ZNF536: variants seen among roughly 807,000 people sequenced by gnomAD.
ZNF536 encodes the protein zinc finger protein 536.
In ZNF536, 13 loss-of-function variants were observed where a neutral mutation model predicts 84.5. The observed-to-expected ratio is 0.15, with a 90% confidence interval of 0.10 to 0.24. The LOEUF (loss-of-function observed/expected upper bound fraction) is 0.24, where lower values mean the gene tolerates loss of function less well. Ranked by LOEUF, ZNF536 falls within the 10% of genes least tolerant of loss-of-function variation. The pLI is 1.00. For synonymous variants in ZNF536, 811 were observed against 742.5 expected (o/e 1.09, Z -1.50); for missense variants, 1,536 against 1,747.5 (o/e 0.88, Z 2.16).
chr19:30,548,237 C>A lies in ZNF536; in HGVS notation c.2618C>A (p.Ala873Asp), dbSNP rs751561203. Reference protein sequence around the residue: ...VLSSGDHSGQATGMSSEVPSD... With the variant: ...VLSSGDHSGQDTGMSSEVPSD... ...TCCTCTGGAGATCACTCGGGGCAGGCCACGGGCATGTCTTCGGAGGTCCCC... is the reference window on the plus strand; with the variant it reads ...TCCTCTGGAGATCACTCGGGGCAGGACACGGGCATGTCTTCGGAGGTCCCC... The change falls in exon 4 of 5, where the codon GCC (alanine) becomes GAC (aspartate). Residue 873 changes from alanine (A) to aspartate (D), a missense_variant. By Grantham distance (126) the Ala-to-Asp change is moderately radical. Around this residue, in one of 8 missense-constraint regions of ZNF536, gnomAD observed 624 missense variants for 603.1 expected, o/e 1.03. Transcript: ENST00000355537. 8 of 1,614,208 alleles carry A rather than the reference C, an allele frequency of 5.0e-6. No homozygotes were observed. The highest frequency in any genetic ancestry group is 6.8e-6 in the Non-Finnish European group (8 of 1,180,040).
rs571059731 is a variant in ZNF536, at chr19:30,376,063, C to T, written c.-3+3507C>T. Among the ~76,000 whole-genome samples the T allele has an allele frequency of 3.9e-5, 6 of 152,106 alleles. No individual in the cohort carries two copies. The East Asian group carries it at 5.8e-4, about 15-fold the overall frequency. ...GTGCCCACTCCATGTGAGTGTATGC[C>T]CATGTGTGTGCTTGATGTCTTGAGG... is the stretch of plus-strand genomic sequence containing the variant. On this transcript the variant is annotated intron_variant, in intron 1 of 4. Coordinates refer to ENST00000355537, the MANE Select transcript of ZNF536 (RefSeq NM_014717.3).
At chr19:30,687,393 G>A (rs1190109292) in intron 1 of ZNF536, among the ~76,000 whole-genome samples, 2 of 152,164 alleles carry the variant, frequency 1.3e-5, no homozygotes, top group African/African-American at 4.8e-5. Context: ...ACAGGACGGG[G>A]CATCAAAGGG....
chr19:30,420,775 TG>T (rs906303467), intron 1 of ZNF536, among the ~76,000 whole-genome samples: 11 of 152,158 alleles, frequency 7.2e-5, no homozygotes, highest in African/African-American at 2.4e-4. Context: ...ATTCCTCTCT[TG>T]AAAGGGAAAA....
At chr19:30,358,742 C>A (rs565936202) in intron 3 of ZNF536, among the ~76,000 whole-genome samples, 1 of 152,296 alleles carries the variant, frequency 6.6e-6, no homozygotes, top group South Asian at 2.1e-4. Context: ...TTTCTGGTAT[C>A]TGGACAGGTG....
At chr19:30,367,684 G>A (rs757816471), upstream of ZNF536, among the ~76,000 whole-genome samples, 5 of 152,208 alleles carry the variant, frequency 3.3e-5, no homozygotes, top group Admixed American at 6.5e-5. Context: ...GGGAAGTGCT[G>A]GTGATGCTGG....
Position 30,473,210 on chromosome 19 carries a change from T to A in ZNF536, c.2170+27478T>A, listed in dbSNP as rs1157342419. On this transcript the variant is annotated intron_variant, in intron 2 of 4. Coordinates refer to ENST00000355537, the MANE Select transcript of ZNF536 (RefSeq NM_014717.3). The stretch of plus-strand genomic sequence containing the variant: ...GACAGAGTGAGACTCCATCTCATAA[T>A]AATAATAGTAATAATAATAATAATA... Among the ~76,000 whole-genome samples the A allele has an allele frequency of 1.0e-4, 15 of 144,584 alleles. No homozygotes were observed. In the Admixed American group the frequency reaches 1.1e-3, roughly 10 times the overall value. The allele number at this position is 144,584 out of a possible 152,430, so 94.9% of individuals were successfully genotyped here.
downstream of ZNF536, among the ~76,000 whole-genome samples, chr19:30,560,590 G>T (rs78513839): frequency 0.051 from 7,740 of 152,050 alleles, 257 homozygotes; most frequent in South Asian, 0.14. Context: ...CCACCCCCCC[G>T]CCCCATTGTA....
chr19:30,556,045 A>C (rs778107562), intron 4 of ZNF536: 1 of 152,074 alleles, frequency 6.6e-6, no homozygotes, highest in Non-Finnish European at 1.5e-5. Context: ...CTTTTTTGTG[A>C]GCTGATTCTC....
chr19:30,450,233 A>G (rs1013534289), intron 2 of ZNF536, among the ~76,000 whole-genome samples: 2 of 152,072 alleles, frequency 1.3e-5, no homozygotes, highest in Non-Finnish European at 2.9e-5. Flanking sequence ...GGTCATTATC[A>G]TTCGCTGGTT....
intron 1 of ZNF536, among the ~76,000 whole-genome samples, chr19:30,275,728 C>T (rs552521459): frequency 2.6e-5 from 4 of 152,194 alleles, no homozygotes; most frequent in South Asian, 2.1e-4. Flanking sequence ...AGTGAGATTG[C>T]GTGTCAATGC....
chr19:30,439,554 G>A (rs765054517), intron 1 of ZNF536, among the ~76,000 whole-genome samples: 1 of 152,148 alleles, frequency 6.6e-6, no homozygotes, highest in Non-Finnish European at 1.5e-5. Flanking sequence ...CTTGCTCTAA[G>A]TCGAGCAGCA....
chr19:30,683,780 A>G (rs1217767246), intron 1 of ZNF536, among the ~76,000 whole-genome samples: 5 of 152,142 alleles, frequency 3.3e-5, no homozygotes, highest in African/African-American at 1.2e-4. Context: ...GAAACAGCCT[A>G]CTCAACTATC....
chr19:30,377,577 G>A (rs938511843), intron 1 of ZNF536, among the ~76,000 whole-genome samples: 2 of 152,104 alleles, frequency 1.3e-5, no homozygotes, highest in African/African-American at 4.8e-5. Context: ...TCCACCCTAG[G>A]TCCAATGCTC....
chr19:30,615,976 A>G (rs2048281254), intron 1 of ZNF536, among the ~76,000 whole-genome samples: 1 of 152,058 alleles, frequency 6.6e-6, no homozygotes, highest in Non-Finnish European at 1.5e-5. Flanking sequence ...ATGTTTTTCT[A>G]ATTGGTTATT....
chr19:30,226,330 T>C (rs1244643554), upstream of ZNF536, among the ~76,000 whole-genome samples: 2 of 152,106 alleles, frequency 1.3e-5, no homozygotes, highest in Non-Finnish European at 2.9e-5. The surrounding 1 kb of genome is among the most constrained non-coding windows in gnomAD (Gnocchi z 4.6). Context: ...CCTTGCGCTC[T>C]TTCTCTGGTC....
At chr19:30,528,231 A>AT (rs1234929815) in intron 2 of ZNF536, among the ~76,000 whole-genome samples, 4 of 151,934 alleles carry the variant, frequency 2.6e-5, no homozygotes, top group Non-Finnish European at 4.4e-5. Flanking sequence ...CATCATTATA[A>AT]TTTTTTTTAA....
intron 1 of ZNF536, among the ~76,000 whole-genome samples, chr19:30,619,487 G>A (rs1361088307): frequency 1.3e-5 from 2 of 152,194 alleles, no homozygotes; most frequent in African/African-American, 4.8e-5. Context: ...TAGAACCACA[G>A]TGTGTGGCCT....
intron 1 of ZNF536, among the ~76,000 whole-genome samples, chr19:30,669,011 G>A (rs547549482): frequency 6.6e-6 from 1 of 152,318 alleles, no homozygotes; most frequent in Non-Finnish European, 1.5e-5. Context: ...GTTGTCGGGG[G>A]ACCCCCTCAC....
chr19:30,461,729 G>A (rs1461166059), intron 2 of ZNF536, among the ~76,000 whole-genome samples: 3 of 152,202 alleles, frequency 2.0e-5, no homozygotes, highest in Admixed American at 6.5e-5. Flanking sequence ...GCTTGCCCCC[G>A]TCTCAGTTCC....
Sources: allele counts gnomAD v4.1 joint callset (sites outside exome capture counted in the v4.1 genomes callset), GRCh38; gene constraint gnomAD v4.1.1; regional missense constraint gnomAD v4.1.1; non-coding constraint Gnocchi (gnomAD v3.1); transcripts MANE v1.5; gene names NCBI Gene and HGNC (gene_info 2026-07-23, HGNC 2026-07-21).